Variants in PCDHGA5 observed in about 807,000 individuals in gnomAD.
The protein encoded by PCDHGA5 is protocadherin gamma subfamily A, 5.
In PCDHGA5, 36 loss-of-function variants were observed where a neutral mutation model predicts 56.7. That is an observed-to-expected ratio of 0.64 (90% CI 0.49 to 0.84). The LOEUF (loss-of-function observed/expected upper bound fraction) is 0.84, where lower values mean the gene tolerates loss of function less well. Ranked by LOEUF, PCDHGA5 falls within the 40% of genes least tolerant of loss-of-function variation. The pLI is 0.00. For synonymous variants in PCDHGA5, 563 were observed against 520.2 expected (o/e 1.08, Z -1.12); for missense variants, 1,305 against 1,201.5 (o/e 1.09, Z -1.27).
chr5:141,439,363 A>G (rs922889903), intron 1 of PCDHGA5, among the ~76,000 whole-genome samples: 2 of 152,208 alleles, frequency 1.3e-5, no homozygotes, highest in African/African-American at 2.4e-5. Context: ...TCAAACATCA[A>G]GAAGAAATAA....
In PCDHGA5 at chr5:141,487,160, G is replaced by A. The variant is rs1188929436; in HGVS notation, c.2422-7647G>A. 5.0e-6 allele frequency: 8 copies of A among 1,613,830 alleles called. No homozygotes were observed. The highest frequency in any genetic ancestry group is 5.1e-6 in the Non-Finnish European group (6 of 1,179,840). ...ACTCTCTACCTCTGTTACTCTCTTA[G>A]TGTCCTTAGAGGAAGACACTCATCC... On this transcript the variant is annotated intron_variant, in intron 1 of 3. Transcript: ENST00000518069. The surrounding 1 kb of genome is among the most constrained non-coding windows in gnomAD (Gnocchi z 5.0).
At chr5:141,373,805 G>T in intron 1 of PCDHGA5, 1 of 337,732 alleles carries the variant, frequency 3.0e-6, no homozygotes, top group Non-Finnish European at 5.3e-6. Context: ...TCCTCTGTGT[G>T]ATAGTTTCAC....
chr5:141,503,130 C>A (rs1406819266), intron 2 of PCDHGA5, among the ~76,000 whole-genome samples: 1 of 151,980 alleles, frequency 6.6e-6, no homozygotes, highest in Non-Finnish European at 1.5e-5. Context: ...CCTCTGGTAG[C>A]CCCTGACACA....
intron 1 of PCDHGA5, chr5:141,372,290 G>A (rs1437600694): frequency 1.9e-6 from 3 of 1,613,282 alleles, no homozygotes; most frequent in Non-Finnish European, 2.5e-6. Context: ...CGCGTACCTT[G>A]GGCGACAGGG....
intron 1 of PCDHGA5, among the ~76,000 whole-genome samples, chr5:141,481,695 T>A (rs2099542216): frequency 1.3e-5 from 2 of 152,122 alleles, no homozygotes; most frequent in Non-Finnish European, 2.9e-5. Context: ...GGCTCACGCC[T>A]GTAATCCCAG....
At chr5:141,464,746 T>G (rs1317670068) in intron 1 of PCDHGA5, among the ~76,000 whole-genome samples, 1 of 152,220 alleles carries the variant, frequency 6.6e-6, no homozygotes, top group Non-Finnish European at 1.5e-5. Context: ...TATATCTTTT[T>G]GTTTTTTTAG....
intron 1 of PCDHGA5, among the ~76,000 whole-genome samples, chr5:141,433,974 C>A (rs1045247496): frequency 6.6e-6 from 1 of 152,026 alleles, no homozygotes; most frequent in Non-Finnish European, 1.5e-5. Context: ...GGCTTTCTAC[C>A]TTGAAGAAGA....
rs1316659737 is a variant in PCDHGA5 at position 141,490,964 on chromosome 5, C to T, written c.2422-3843C>T. ...CCACGGCCAGACTGGGAACACTCAG[C>T]CCCCCAGCGTCTCCCTCGCTCTGCT... On this transcript the variant is annotated intron_variant, in intron 1 of 3. Transcript: ENST00000518069. The surrounding 1 kb of genome is among the most constrained non-coding windows in gnomAD (Gnocchi z 5.4). 2.5e-6 allele frequency: 4 copies of T among 1,613,608 alleles called. No homozygotes were observed. Among genetic ancestry groups the T allele is most frequent in the East Asian group, 2.2e-5 (1 of 44,882 alleles).
chr5:141,472,779 A>C (rs908169292), intron 1 of PCDHGA5, among the ~76,000 whole-genome samples: 5 of 152,012 alleles, frequency 3.3e-5, no homozygotes, highest in Non-Finnish European at 7.4e-5. Context: ...TGAGGTTGGG[A>C]GTTCAAGATC....
At position 141,364,575 on chromosome 5, in the gene PCDHGA5, G is replaced by T. The variant is rs372313739; in HGVS notation, c.245G>T (p.Gly82Val). The T allele has an allele frequency of 5.6e-6, 9 of 1,614,070 alleles. No individual in the cohort carries two copies. Among genetic ancestry groups the T allele is most frequent in the East Asian group, 2.2e-5 (1 of 44,896 alleles). The change falls in exon 1 of 4, where the codon GGC becomes GTC. Residue 82 changes from glycine to valine, a missense_variant. Gly to Val is a moderately radical substitution (Grantham distance 109, BLOSUM62 -3). Transcript: ENST00000518069. Reference sequence around the variant, plus strand: ...CTTTTTGCCCTGAACCCGCGAAGCGGCAGCTTGGTCACCGCGGGCAGGATA... The same window carrying T: ...CTTTTTGCCCTGAACCCGCGAAGCGTCAGCTTGGTCACCGCGGGCAGGATA... ...TQLFALNPRS[G>V]SLVTAGRIDR...
At chr5:141,474,241 G>A (rs1367530484) in intron 1 of PCDHGA5, among the ~76,000 whole-genome samples, 8 of 151,928 alleles carry the variant, frequency 5.3e-5, no homozygotes, top group East Asian at 1.9e-4. Context: ...TGCTGAATAG[G>A]GGAAAAAAAG....
chr5:141,423,335 G>T (rs781241820), intron 1 of PCDHGA5: 11 of 1,614,046 alleles, frequency 6.8e-6, no homozygotes, highest in Non-Finnish European at 9.3e-6. Context: ...GCAGTCTCCT[G>T]CATCTTCCTG....
intron 1 of PCDHGA5, among the ~76,000 whole-genome samples, chr5:141,425,068 A>G (rs1484760901): frequency 6.6e-6 from 1 of 152,174 alleles, no homozygotes; most frequent in African/African-American, 2.4e-5. Context: ...GGACAAAAAT[A>G]ATTTCAACTG....
At chr5:141,374,816 C>A (rs771806207) in intron 1 of PCDHGA5, 1 of 1,613,964 alleles carries the variant, frequency 6.2e-7, no homozygotes, top group Non-Finnish European at 8.5e-7. Context: ...GTTTACTCAG[C>A]CTGTCTACCG....
In PCDHGA5 at chr5:141,477,294, C is replaced by T. The variant is rs753131175; in HGVS notation, c.2422-17513C>T. ...GGGCTGGTGACCTGCGAAGTTCCAC[C>T]GGGTCTCCCTTTCAGCCTTACTTCT... is the stretch of plus-strand genomic sequence containing the variant. On this transcript the variant is annotated intron_variant, in intron 1 of 3. Transcript: ENST00000518069. The surrounding 1 kb of genome is among the most constrained non-coding windows in gnomAD (Gnocchi z 4.9). 4.3e-6 allele frequency: 7 copies of T among 1,614,142 alleles called. No individual in the cohort carries two copies. Among genetic ancestry groups the T allele is most frequent in the East Asian group, 4.5e-5 (2 of 44,872 alleles).
intron 1 of PCDHGA5, chr5:141,424,104 A>G (rs1049098128): frequency 6.2e-6 from 5 of 812,458 alleles, no homozygotes; most frequent in Non-Finnish European, 6.1e-6. Flanking sequence ...ATTACTGCTA[A>G]TGTTCAAATT....
chr5:141,400,476 C>T (rs2094027348), intron 1 of PCDHGA5: 2 of 1,613,846 alleles, frequency 1.2e-6, no homozygotes, highest in African/African-American at 2.7e-5. Context: ...CATCTGGGGC[C>T]TTATTTCCAC....
In PCDHGA5 at chr5:141,374,403, A is replaced by G. The variant is rs201390749; in HGVS notation, c.2421+7652A>G. 6.2e-4 allele frequency: 999 copies of G among 1,613,916 alleles called. 2 individuals are homozygous for G. Among genetic ancestry groups the G allele is most frequent in the Non-Finnish European group, 8.1e-4 (961 of 1,179,908 alleles). ...AGCCCGCGGTGTCTGGTGAGTTTTA[A>G]CATCCTTGTCGAGGATAAACTGAAT... On this transcript the variant is annotated intron_variant, in intron 1 of 3. Coordinates refer to ENST00000518069, the MANE Select transcript of PCDHGA5 (RefSeq NM_018918.3).
chr5:141,376,438 T>C lies in PCDHGA5; in HGVS notation c.2421+9687T>C, dbSNP rs752669729. 6.2e-6 allele frequency: 10 copies of C among 1,614,058 alleles called. No homozygotes were observed. The Admixed American group carries it at 8.3e-5, about 13-fold the overall frequency. On this transcript the variant is annotated intron_variant, in intron 1 of 3. Coordinates refer to ENST00000518069, the MANE Select transcript of PCDHGA5 (RefSeq NM_018918.3). ...ACACGCTTATCAACCAGGAGAGCTA[T>C]GAGAAAAGCGAGCCTCTTCTGATAA...
Sources: allele counts gnomAD v4.1 joint callset (sites outside exome capture counted in the v4.1 genomes callset), GRCh38; gene constraint gnomAD v4.1.1; non-coding constraint Gnocchi (gnomAD v3.1); transcripts MANE v1.5; gene names NCBI Gene and HGNC (gene_info 2026-07-23, HGNC 2026-07-21).